Variants in SHANK2 observed in about 807,000 individuals in gnomAD.
SHANK2 encodes SH3 and multiple ankyrin repeat domains 2, also known as SH3 and multiple ankyrin repeat domains protein 2.
In SHANK2, 43 loss-of-function variants were observed where a neutral mutation model predicts 133.7. The observed-to-expected ratio is 0.32, with a 90% CI of 0.25 to 0.41. The LOEUF (loss-of-function observed/expected upper bound fraction) is 0.41. Ranked by LOEUF, SHANK2 falls within the 10% of genes least tolerant of loss-of-function variation. The pLI is 1.00. For missense variants in SHANK2, 1,994 were observed against 2,235.8 expected, an observed-to-expected ratio of 0.89 and a Z score of 2.18; for synonymous variants, 1,017 against 952.8, an observed-to-expected ratio of 1.07 and a Z score of -1.24.
intron 10 of SHANK2, among the ~76,000 whole-genome samples, chr11:70,939,229 T>C (rs1950611806): frequency 6.6e-6 from 1 of 152,076 alleles, no homozygotes; most frequent in Non-Finnish European, 1.5e-5. Context: ...AGCTCCAACA[T>C]GTTGGGAGGC....
chr11:70,818,446 C>A (rs559894207), intron 12 of SHANK2, among the ~76,000 whole-genome samples: 1 of 152,340 alleles, frequency 6.6e-6, no homozygotes, highest in East Asian at 1.9e-4. Flanking sequence ...ACATCTAGCA[C>A]ATCTAGTCTG....
intron 17 of SHANK2, among the ~76,000 whole-genome samples, chr11:70,621,224 G>T (rs1554997728): frequency 6.6e-6 from 1 of 152,166 alleles, no homozygotes; most frequent in East Asian, 1.9e-4. Flanking sequence ...GGTGTCCAAG[G>T]GGCAGTCCTA....
At chr11:71,084,370 G>A (rs1951349194) in intron 8 of SHANK2, among the ~76,000 whole-genome samples, 2 of 152,204 alleles carry the variant, frequency 1.3e-5, no homozygotes, top group Admixed American at 6.5e-5. Context: ...ACTGTGTGAA[G>A]TGGAGGGTGG....
chr11:70,665,275 G>C (rs1944657781), intron 15 of SHANK2, among the ~76,000 whole-genome samples: 1 of 152,032 alleles, frequency 6.6e-6, no homozygotes, highest in East Asian at 1.9e-4. Context: ...CAAGTAGCTG[G>C]GACTACAGGC....
chr11:70,599,424 G>A (rs11561012), intron 17 of SHANK2, among the ~76,000 whole-genome samples: 9,174 of 120,818 alleles, frequency 0.076, 435 homozygotes, highest in East Asian at 0.17. Context: ...TGGCTAACAC[G>A]GTGAAACCCC....
At chr11:70,805,040 G>T (rs1036268262) in intron 13 of SHANK2, among the ~76,000 whole-genome samples, 1 of 152,214 alleles carries the variant, frequency 6.6e-6, no homozygotes, top group Non-Finnish European at 1.5e-5. Context: ...CCCTCTCGGA[G>T]CATGGGTCAG....
chr11:70,881,596 T>G (rs1477139276), intron 11 of SHANK2, among the ~76,000 whole-genome samples: 1 of 144,166 alleles, frequency 6.9e-6, no homozygotes, highest in Admixed American at 7.1e-5. Context: ...ATAATAATAA[T>G]AATAGTAAAC....
chr11:70,887,313 T>C (rs1179311425), intron 11 of SHANK2, among the ~76,000 whole-genome samples: 1 of 151,752 alleles, frequency 6.6e-6, no homozygotes, highest in African/African-American at 2.4e-5. Flanking sequence ...ATTTAAACCA[T>C]CACTTTCTTC....
intron 10 of SHANK2, among the ~76,000 whole-genome samples, chr11:70,947,857 A>G (rs1001547570): frequency 6.6e-6 from 1 of 152,152 alleles, no homozygotes; most frequent in Non-Finnish European, 1.5e-5. Context: ...CACAGATTAA[A>G]TGCCATTTTA....
intron 11 of SHANK2, among the ~76,000 whole-genome samples, chr11:70,841,654 G>T (rs1948907408): frequency 6.6e-6 from 1 of 152,200 alleles, no homozygotes; most frequent in Non-Finnish European, 1.5e-5. Flanking sequence ...AAGGTCCGGG[G>T]CCCCTTTCCG....
chr11:70,814,793 C>T (rs1468358224), intron 12 of SHANK2, among the ~76,000 whole-genome samples: 3 of 152,218 alleles, frequency 2.0e-5, no homozygotes, highest in African/African-American at 7.2e-5. Context: ...GCTGAGCTGA[C>T]CCCACCCAAG....
intron 11 of SHANK2, among the ~76,000 whole-genome samples, chr11:70,855,834 G>A (rs1949160163): frequency 6.6e-6 from 1 of 152,200 alleles, no homozygotes; most frequent in African/African-American, 2.4e-5. Flanking sequence ...TGGGTGGGTG[G>A]ATAAATGAAT....
At chr11:70,637,211 G>C (rs1372385649) in intron 17 of SHANK2, among the ~76,000 whole-genome samples, 1 of 152,146 alleles carries the variant, frequency 6.6e-6, no homozygotes, top group Non-Finnish European at 1.5e-5. Context: ...GGAGCCTGTT[G>C]ACCCACATAG....
chr11:70,836,681 C>T (rs1364575548), intron 11 of SHANK2, among the ~76,000 whole-genome samples: 7 of 152,206 alleles, frequency 4.6e-5, no homozygotes, highest in African/African-American at 9.6e-5. Flanking sequence ...AGCTGCCCAA[C>T]GCCTGGGTGT....
intron 2 of SHANK2, among the ~76,000 whole-genome samples, chr11:71,223,867 C>T (rs1236440735): frequency 5.3e-5 from 8 of 152,136 alleles, no homozygotes; most frequent in Admixed American, 3.9e-4. Flanking sequence ...TGCAGCCACA[C>T]TGTCTGGGTC....
intron 2 of SHANK2, among the ~76,000 whole-genome samples, chr11:71,173,112 T>C (rs782325163): frequency 3.3e-5 from 5 of 152,248 alleles, no homozygotes; most frequent in Non-Finnish European, 4.4e-5. Flanking sequence ...CACGCCTTGT[T>C]TGATGAAGTG....
At chr11:70,934,754 T>G (rs1555083175) in intron 10 of SHANK2, among the ~76,000 whole-genome samples, 1 of 152,238 alleles carries the variant, frequency 6.6e-6, no homozygotes, top group East Asian at 1.9e-4. Context: ...TAGGCTGACA[T>G]GCCACGTGTG....
chr11:71,149,932 GGA>G (rs1555107556), intron 2 of SHANK2, among the ~76,000 whole-genome samples: 3 of 30,334 alleles, frequency 9.9e-5, no homozygotes, highest in African/African-American at 2.4e-4. Flanking sequence ...GGGAGGGAGA[GGA>G]GGGGAGGGGA....
intron 17 of SHANK2, among the ~76,000 whole-genome samples, chr11:70,650,850 G>A (rs1189139968): frequency 6.6e-6 from 1 of 152,202 alleles, no homozygotes; most frequent in Admixed American, 6.5e-5. Context: ...TGTTCCTCAA[G>A]GAACTGTGTC....
Sources: gnomAD v4.1 joint callset for allele counts (sites outside exome capture counted in the v4.1 genomes callset) on GRCh38, gnomAD v4.1.1 for gene constraint, MANE v1.5 for transcripts, NCBI Gene and HGNC (gene_info 2026-07-23, HGNC 2026-07-21) for gene names.